UNC13C: variants seen among roughly 807,000 people sequenced by gnomAD.
UNC13C encodes unc-13 homolog C.
Under a neutral mutation model 245.4 loss-of-function variants are expected in UNC13C, and 174 were observed. The ratio of observed to expected loss-of-function variants is 0.71; its 90% CI spans 0.63 to 0.80. The LOEUF is 0.80. UNC13C is among the 30% of genes least tolerant of loss of function. UNC13C has a pLI of 0.00. For synonymous variants in UNC13C, 992 were observed against 895.1 expected (o/e 1.11, Z -1.93); for missense variants, 2,829 against 2,602.9 (o/e 1.09, Z -1.89).
At chr15:54,156,327 G>C (rs904389937) in intron 4 of UNC13C, among the ~76,000 whole-genome samples, 3 of 152,150 alleles carry the variant, frequency 2.0e-5, no homozygotes, top group African/African-American at 7.2e-5. Context: ...TTGAGGCTTA[G>C]ACTCTAAGGT....
intron 18 of UNC13C, among the ~76,000 whole-genome samples, chr15:54,393,559 T>C (rs937956811): frequency 4.6e-5 from 7 of 151,872 alleles, no homozygotes; most frequent in African/African-American, 1.7e-4. Flanking sequence ...GGCTTTTTAA[T>C]AATAAAGATT....
intron 11 of UNC13C, among the ~76,000 whole-genome samples, chr15:54,294,856 A>G (rs776889393): frequency 3.9e-5 from 6 of 152,176 alleles, no homozygotes; most frequent in Non-Finnish European, 7.4e-5. Context: ...ATACCAACAT[A>G]TGTTAACAAA....
chr15:54,366,274 G>A (rs375309448), intron 17 of UNC13C, among the ~76,000 whole-genome samples: 68 of 152,154 alleles, frequency 4.5e-4, no homozygotes, highest in African/African-American at 1.3e-3. Context: ...TTTCCATAAC[G>A]TGGCAAAATG....
chr15:53,924,259 G>T, the UNC13C span, among the ~76,000 whole-genome samples: 1 of 152,134 alleles, frequency 6.6e-6, no homozygotes, highest in East Asian at 1.9e-4. Flanking sequence ...AGATAGCACG[G>T]CACAGTTCAG....
At chr15:53,887,937 T>G in the UNC13C span, among the ~76,000 whole-genome samples, 1 of 152,360 alleles carries the variant, frequency 6.6e-6, no homozygotes, top group African/African-American at 2.4e-5. Context: ...CCACATTTTC[T>G]TTATCCAGTC....
chr15:54,581,852 T>C (rs928079666), intron 30 of UNC13C, among the ~76,000 whole-genome samples: 1 of 152,066 alleles, frequency 6.6e-6, no homozygotes, highest in African/African-American at 2.4e-5. Context: ...AAAGAGTCAA[T>C]AGGGCAAGTG....
intron 19 of UNC13C, among the ~76,000 whole-genome samples, chr15:54,441,802 T>A (rs1045086521): frequency 1.3e-5 from 2 of 152,122 alleles, no homozygotes; most frequent in African/African-American, 4.8e-5. Context: ...TTAACAATAT[T>A]TCTTCTTCTA....
chr15:54,249,235 G>GTT (rs11284943), intron 7 of UNC13C, among the ~76,000 whole-genome samples: 1 of 148,458 alleles, frequency 6.7e-6, no homozygotes, highest in Admixed American at 6.7e-5. Flanking sequence ...TTGGTGGTTT[G>GTT]TTTTTTTTTT....
chr15:54,290,079 C>T (rs1032619893), intron 10 of UNC13C, among the ~76,000 whole-genome samples: 3 of 152,062 alleles, frequency 2.0e-5, no homozygotes, highest in African/African-American at 7.2e-5. Flanking sequence ...ATCACAACAC[C>T]CTTACGTAAT....
chr15:53,989,742 G>A (rs2565211), intron 1 of UNC13C, among the ~76,000 whole-genome samples: 66,983 of 151,826 alleles, frequency 0.44, 17,740 homozygotes, highest in Admixed American at 0.61. Context: ...GTTTTTGAAA[G>A]TATGAACTTA....
At position 54,462,798 on chromosome 15, in the gene UNC13C, C is replaced by G. The variant is rs917344624; in HGVS notation, c.4934-31810C>G. 2.0e-5 allele frequency among the ~76,000 whole-genome samples: 3 copies of G among 152,206 alleles called. 1 individual carries two copies. Among genetic ancestry groups the G allele is most frequent in the South Asian group, 4.1e-4 (2 of 4,832 alleles). ...ACGGGCGCCACCCCCTGCTCCACAG[C>G]GTCTGGTCCCATCAACCACCCAAGG... is the stretch of plus-strand genomic sequence containing the variant. On this transcript the variant is annotated intron_variant, in intron 19 of 32. Coordinates refer to ENST00000260323, the MANE Select transcript of UNC13C (RefSeq NM_001080534.3).
intron 19 of UNC13C, among the ~76,000 whole-genome samples, chr15:54,457,360 T>C (rs1054214200): frequency 4.6e-5 from 7 of 152,122 alleles, no homozygotes; most frequent in African/African-American, 1.7e-4. Context: ...TGTCCTTCCC[T>C]GGTTTGGGTA....
Position 54,090,300 on chromosome 15 carries a change from C to CA in UNC13C, c.2984-52707dup, listed in dbSNP as rs5812738. Among the ~76,000 whole-genome samples, 609 of 146,206 alleles carry CA rather than the reference C, an allele frequency of 4.2e-3. 5 individuals carry two copies. The highest frequency in any genetic ancestry group is 0.014 in the African/African-American group (550 of 39,102). ...ATGACTCTGTTGTTACTATAGAAAA[C>CA]AAAAAAAAAAAGCTGGTAAAAAGGC... On this transcript the variant is annotated intron_variant, in intron 2 of 32. Transcript: ENST00000260323.
chr15:54,404,609 C>T (rs928344789), intron 18 of UNC13C, among the ~76,000 whole-genome samples: 2 of 151,980 alleles, frequency 1.3e-5, no homozygotes, highest in African/African-American at 2.4e-5. Flanking sequence ...CACAAGAAAA[C>T]CTCATGAATT....
At chr15:54,202,864 A>T (rs968466041) in intron 4 of UNC13C, among the ~76,000 whole-genome samples, 1 of 152,108 alleles carries the variant, frequency 6.6e-6, no homozygotes, top group Non-Finnish European at 1.5e-5. Flanking sequence ...AGAAATAAAC[A>T]GCAGAGTTAA....
chr15:54,611,247 T>G (rs955564804), intron 30 of UNC13C, among the ~76,000 whole-genome samples: 2 of 152,150 alleles, frequency 1.3e-5, no homozygotes, highest in South Asian at 2.1e-4. Flanking sequence ...GTAAATTTGT[T>G]TACAATTGAT....
chr15:54,101,191 T>C (rs1444001466), intron 2 of UNC13C, among the ~76,000 whole-genome samples: 3 of 152,176 alleles, frequency 2.0e-5, no homozygotes, highest in Admixed American at 2.0e-4. Context: ...AACCTGTTAA[T>C]CTGCTTCTAT....
the UNC13C span, among the ~76,000 whole-genome samples, chr15:53,939,397 C>T: frequency 6.6e-6 from 1 of 152,260 alleles, no homozygotes; most frequent in South Asian, 2.1e-4. Context: ...CAGCTGAATT[C>T]TACCAGAGGT....
At chr15:54,379,308 G>T (rs2039671433) in intron 17 of UNC13C, among the ~76,000 whole-genome samples, 1 of 151,996 alleles carries the variant, frequency 6.6e-6, no homozygotes, top group African/African-American at 2.4e-5. Context: ...TTAGGGAATT[G>T]TGTGTAGTTG....
Sources: allele counts gnomAD v4.1 joint callset (sites outside exome capture counted in the v4.1 genomes callset), GRCh38; gene constraint gnomAD v4.1.1; transcripts MANE v1.5; gene names NCBI Gene and HGNC (gene_info 2026-07-23, HGNC 2026-07-21).